Variants in MAP2 observed in about 807,000 individuals in gnomAD.
MAP2 encodes the protein microtubule associated protein 2.
MAP2 carries 14 observed loss-of-function variants against 137.6 expected under a neutral mutation model. That is an observed-to-expected ratio of 0.10 (90% CI 0.07 to 0.16). The LOEUF (loss-of-function observed/expected upper bound fraction) is 0.16. Among genes scored for constraint, MAP2 ranks in the 10% least tolerant of loss-of-function variants. MAP2 has a pLI of 1.00. For synonymous variants in MAP2, 786 were observed against 782.3 expected, an observed-to-expected ratio of 1.00 and a Z score of -0.08; for missense variants, 2,088 against 2,191.5, an observed-to-expected ratio of 0.95 and a Z score of 0.94.
chr2:209,675,054 G>A (rs2050690318), intron 5 of MAP2, among the ~76,000 whole-genome samples: 1 of 151,758 alleles, frequency 6.6e-6, no homozygotes, highest in Admixed American at 6.6e-5. Flanking sequence ...TAAATTCACT[G>A]TGAACTCTAT....
intron 1 of MAP2, among the ~76,000 whole-genome samples, chr2:209,425,596 A>G (rs909605107): frequency 6.6e-6 from 1 of 152,208 alleles, no homozygotes; most frequent in African/African-American, 2.4e-5. Flanking sequence ...TAAAATGATC[A>G]GTCTAGAAAA....
chr2:209,717,263 C>T (rs1338217098), intron 13 of MAP2, among the ~76,000 whole-genome samples: 1 of 152,138 alleles, frequency 6.6e-6, no homozygotes, highest in East Asian at 1.9e-4. Context: ...AACTTTCACT[C>T]TCTCTCCTGC....
intron 1 of MAP2, among the ~76,000 whole-genome samples, chr2:209,488,591 G>A (rs1414394517): frequency 6.6e-6 from 1 of 152,156 alleles, no homozygotes; most frequent in Non-Finnish European, 1.5e-5. Flanking sequence ...GGATGCTCGA[G>A]CTTGGTGGGG....
intron 1 of MAP2, among the ~76,000 whole-genome samples, chr2:209,468,495 T>C (rs1294995166): frequency 6.6e-6 from 1 of 151,836 alleles, no homozygotes; most frequent in Non-Finnish European, 1.5e-5. Flanking sequence ...TAATTTTTTG[T>C]ATTTTTAGTA....
At chr2:209,554,550 G>T (rs2153315130) in intron 2 of MAP2, among the ~76,000 whole-genome samples, 1 of 152,232 alleles carries the variant, frequency 6.6e-6, no homozygotes, top group East Asian at 1.9e-4. Flanking sequence ...TACTTTGGGA[G>T]GCAGAGGCTG....
intron 2 of MAP2, among the ~76,000 whole-genome samples, chr2:209,517,590 G>A (rs976858904): frequency 2.6e-5 from 4 of 151,798 alleles, no homozygotes; most frequent in African/African-American, 4.8e-5. Context: ...TATCTATCTC[G>A]TAAAGCCCAC....
intron 2 of MAP2, among the ~76,000 whole-genome samples, chr2:209,559,790 G>A (rs1299544235): frequency 6.6e-6 from 1 of 151,806 alleles, no homozygotes; most frequent in African/African-American, 2.4e-5. Context: ...GAGACTCTTT[G>A]TATTTTCCCT....
At chr2:209,547,188 G>A (rs935648323) in intron 2 of MAP2, among the ~76,000 whole-genome samples, 2 of 152,168 alleles carry the variant, frequency 1.3e-5, no homozygotes, top group Non-Finnish European at 1.5e-5. Context: ...ATATGCTCCT[G>A]GAAGCATGCC....
chr2:209,693,385 G>A lies in MAP2; in HGVS notation c.1215G>A (p.Gly405=). The change falls in exon 8 of 16, where the codon GGG becomes GGA. Residue 405 remains glycine (G), a synonymous_variant. Coordinates refer to ENST00000682079, the MANE Select transcript of MAP2 (RefSeq NM_001375505.1). ...CAGTTGTAGAAGAACATGTTATGGG[G>A]AAAGTTTTAGAGGAAGAAAAGGAGG... ...HIPVVEEHVM[G]KVLEEEKEAI... 1 of 1,611,678 alleles carries A rather than the reference G, an allele frequency of 6.2e-7. No individual in the cohort carries two copies. The highest frequency in any genetic ancestry group is 8.5e-7 in the Non-Finnish European group (1 of 1,179,490).
chr2:209,484,583 G>A (rs1037967026), intron 1 of MAP2, among the ~76,000 whole-genome samples: 1 of 152,094 alleles, frequency 6.6e-6, no homozygotes, highest in Admixed American at 6.5e-5. Context: ...CCAGCTACTC[G>A]GGAGGCTGAG....
At chr2:209,726,176 T>C (rs2073920385) in intron 14 of MAP2, among the ~76,000 whole-genome samples, 1 of 152,226 alleles carries the variant, frequency 6.6e-6, no homozygotes, top group African/African-American at 2.4e-5. Flanking sequence ...TTCTACATTA[T>C]GTAAAATAAG....
intron 2 of MAP2, among the ~76,000 whole-genome samples, chr2:209,509,462 A>G (rs1000553933): frequency 1.3e-5 from 2 of 151,976 alleles, no homozygotes; most frequent in Admixed American, 6.6e-5. Flanking sequence ...TCCCACTTGG[A>G]TATGTGTGGT....
intron 3 of MAP2, among the ~76,000 whole-genome samples, chr2:209,621,422 C>A (rs2091161587): frequency 6.6e-6 from 1 of 151,370 alleles, no homozygotes; most frequent in Non-Finnish European, 1.5e-5. Flanking sequence ...CCATGCCCAG[C>A]TAATTTTTGT....
chr2:209,679,322 C>CATAGATAGATAG (rs3036677), intron 6 of MAP2, among the ~76,000 whole-genome samples: 10 of 148,536 alleles, frequency 6.7e-5, no homozygotes, highest in South Asian at 2.2e-4. Context: ...TGCCCCTACT[C>CATAGATAGATAG]ATAGATAGAT....
chr2:209,571,742 A>G (rs943833793), intron 2 of MAP2, among the ~76,000 whole-genome samples: 20 of 152,054 alleles, frequency 1.3e-4, no homozygotes, highest in African/African-American at 3.6e-4. Flanking sequence ...AGAAGACTAG[A>G]ACTTTGAGTA....
intron 2 of MAP2, among the ~76,000 whole-genome samples, chr2:209,528,907 CATATAT>C (rs1235982247): frequency 3.5e-5 from 5 of 144,368 alleles, no homozygotes; most frequent in African/African-American, 1.3e-4. Flanking sequence ...TATATACACA[CATATAT>C]ACACACATAC....
At chr2:209,449,246 T>C (rs1699793479) in intron 1 of MAP2, among the ~76,000 whole-genome samples, 1 of 152,192 alleles carries the variant, frequency 6.6e-6, no homozygotes, top group Non-Finnish European at 1.5e-5. Flanking sequence ...GCTTAGCACT[T>C]TTTTTAAAAA....
intron 3 of MAP2, among the ~76,000 whole-genome samples, chr2:209,590,036 C>T (rs2078822562): frequency 6.6e-6 from 1 of 152,028 alleles, no homozygotes; most frequent in Admixed American, 6.6e-5. Context: ...GGTTAGGTGT[C>T]CTGAGGCAGA....
intron 4 of MAP2, among the ~76,000 whole-genome samples, chr2:209,632,502 A>AT (rs2093177532): frequency 6.6e-6 from 1 of 152,182 alleles, no homozygotes; most frequent in African/African-American, 2.4e-5. Flanking sequence ...TGCTTAATAG[A>AT]TTCTCAGTGA....
Sources: allele counts gnomAD v4.1 joint callset (sites outside exome capture counted in the v4.1 genomes callset), GRCh38; gene constraint gnomAD v4.1.1; transcripts MANE v1.5; gene names NCBI Gene and HGNC (gene_info 2026-07-23, HGNC 2026-07-21).